The following CBLIF variants were observed in gnomAD, a reference collection of about 807,000 sequenced individuals.
CBLIF encodes cobalamin binding intrinsic factor.
CBLIF carries 24 observed loss-of-function variants against 44.9 expected under a neutral mutation model. The ratio of observed to expected loss-of-function variants is 0.53; its 90% CI spans 0.39 to 0.75. CBLIF has a LOEUF of 0.75. CBLIF is among the 30% of genes least tolerant of loss of function. The pLI is 0.00. For missense variants in CBLIF, 481 were observed against 513.0 expected (o/e 0.94, Z 0.60); for synonymous variants, 183 against 190.9 (o/e 0.96, Z 0.34).
chr11:59,837,358 A>C lies in CBLIF; in HGVS notation c.694-7T>G, dbSNP rs1286325930. ...CAGGTGTTACAGAGAGAGCCTGGGAAGGAAGACAGAAAGAGAGAGAAAGAG... is the reference window on the plus strand; with the variant it reads ...CAGGTGTTACAGAGAGAGCCTGGGACGGAAGACAGAAAGAGAGAGAAAGAG... On this transcript the variant is annotated splice_region_variant and splice_polypyrimidine_tract_variant and intron_variant, in intron 5 of 8. Coordinates refer to ENST00000257248, the MANE Select transcript of CBLIF (RefSeq NM_005142.3). 1 of 1,608,140 alleles carries C rather than the reference A, an allele frequency of 6.2e-7. No homozygotes were observed. Among genetic ancestry groups the C allele is most frequent in the Non-Finnish European group, 8.5e-7 (1 of 1,174,584 alleles).
Position 59,837,358 on chromosome 11 carries a change from A to G in CBLIF, c.694-7T>C, listed in dbSNP as rs1286325930. ...CAGGTGTTACAGAGAGAGCCTGGGAAGGAAGACAGAAAGAGAGAGAAAGAG... is the reference window on the plus strand; with the variant it reads ...CAGGTGTTACAGAGAGAGCCTGGGAGGGAAGACAGAAAGAGAGAGAAAGAG... On this transcript the variant is annotated splice_region_variant and splice_polypyrimidine_tract_variant and intron_variant, in intron 5 of 8. Coordinates refer to ENST00000257248, the MANE Select transcript of CBLIF (RefSeq NM_005142.3). The G allele has an allele frequency of 1.9e-6, 3 of 1,608,022 alleles. No homozygotes were observed. The Admixed American group carries it at 5.0e-5, about 27-fold the overall frequency.
chr11:59,840,969 A>T, intron 5 of CBLIF, 174 bp downstream of exon 5: 1 of 660,506 alleles, frequency 1.5e-6, no homozygotes, highest in Non-Finnish European at 2.8e-6. Flanking sequence ...GGAGGAATTA[A>T]CACTTACCTG....
At chr11:59,840,016 GT>G (rs1290031710) in intron 5 of CBLIF, among the ~76,000 whole-genome samples, 2 of 151,976 alleles carry the variant, frequency 1.3e-5, no homozygotes, top group African/African-American at 4.8e-5. Context: ...AAAAAACAGG[GT>G]TTTGTTCTAT....
At chr11:59,830,241 T>C (rs867651494) in intron 8 of CBLIF, among the ~76,000 whole-genome samples, 5 of 149,382 alleles carry the variant, frequency 3.3e-5, no homozygotes, top group African/African-American at 7.4e-5. Context: ...TTCTTTTTTT[T>C]TTTTTTTTTT....
At chr11:59,843,692 T>A (rs903782228) in intron 2 of CBLIF, among the ~76,000 whole-genome samples, 187 bp downstream of exon 2, 1 of 152,156 alleles carries the variant, frequency 6.6e-6, no homozygotes, top group African/African-American at 2.4e-5. Context: ...ACTGACCTCC[T>A]CCATGAATGC....
At chr11:59,831,625 G>T in intron 8 of CBLIF, 53 bp downstream of exon 8, 4 of 812,546 alleles carry the variant, frequency 4.9e-6, no homozygotes, top group African/African-American at 1.7e-5. Context: ...AATAATTAAA[G>T]AATGTAGCCT....
At chr11:59,840,903 C>A in intron 5 of CBLIF, 2 of 439,358 alleles carry the variant, frequency 4.6e-6, no homozygotes, top group Non-Finnish European at 8.2e-6. Context: ...TTTTTTTTCC[C>A]AAGAAAGAGA....
At chr11:59,833,731 C>A (rs1866404998) in intron 7 of CBLIF, among the ~76,000 whole-genome samples, 1 of 152,080 alleles carries the variant, frequency 6.6e-6, no homozygotes, top group Non-Finnish European at 1.5e-5. Context: ...GAATTTGGAT[C>A]ATCTTTTCTT....
chr11:59,835,978 G>T lies in CBLIF; in HGVS notation c.903C>A (p.Asn301Lys). ...ATGCAGAGGTGGGGCCAGGGCCAGGGTTGCTGGGTAGAGTTGGTTGTACCT... is the reference window on the plus strand; with the variant it reads ...ATGCAGAGGTGGGGCCAGGGCCAGGTTTGCTGGGTAGAGTTGGTTGTACCT... ...DHEVQPTLPS[N>K]PGPGPTSASN... The change falls in exon 7 of 9, where the codon AAC (asparagine) becomes AAA (lysine). Residue 301 changes from asparagine to lysine, a missense_variant. Physicochemically the swap from Asn to Lys is moderately conservative, Grantham distance 94. Coordinates refer to ENST00000257248, the MANE Select transcript of CBLIF (RefSeq NM_005142.3). 1 of 1,614,174 alleles carries T rather than the reference G, an allele frequency of 6.2e-7. No individual in the cohort carries two copies. The highest frequency in any genetic ancestry group is 8.5e-7 in the Non-Finnish European group (1 of 1,180,002).
intron 7 of CBLIF, among the ~76,000 whole-genome samples, chr11:59,834,244 C>CT (rs1388283782): frequency 7.6e-4 from 59 of 77,776 alleles, no homozygotes; most frequent in African/African-American, 2.9e-3. Flanking sequence ...CTTTCTTTTT[C>CT]TTTCTTTCTT....
intron 5 of CBLIF, among the ~76,000 whole-genome samples, chr11:59,839,174 G>A (rs994976825): frequency 7.2e-5 from 11 of 152,092 alleles, no homozygotes; most frequent in African/African-American, 2.7e-4. Context: ...CAAGATAAGC[G>A]CCTATCAGAG....
chr11:59,830,863 A>G (rs1866364077), intron 8 of CBLIF, among the ~76,000 whole-genome samples: 1 of 152,228 alleles, frequency 6.6e-6, no homozygotes, highest in Non-Finnish European at 1.5e-5. Flanking sequence ...TGTGATTCCA[A>G]GATCTTTATT....
At position 59,845,161 on chromosome 11, in the gene CBLIF, C is replaced by T. The variant is rs376753562; in HGVS notation, c.79+214G>A. 1.6e-4 allele frequency: 94 copies of T among 594,042 alleles called. No individual in the cohort carries two copies. The African/African-American group carries it at 1.7e-3, about 11-fold the overall frequency. 36.8% of individuals were successfully genotyped at this position (594,042 alleles called of 1,614,324 possible). A position where few individuals can be genotyped will look rare whatever the true frequency, so the allele number is the denominator to read the frequency against. ...TACAGGTGTGAGCCACTGCACCTGG[C>T]CCCATCTCTCTTAATAAAAAACATA... On this transcript the variant is annotated intron_variant, in intron 1 of 8. Coordinates refer to ENST00000257248, the MANE Select transcript of CBLIF (RefSeq NM_005142.3).
At chr11:59,829,599 C>T in intron 8 of CBLIF, 54 bp from the exon 9 acceptor site, 1 of 1,094,820 alleles carries the variant, frequency 9.1e-7, no homozygotes, top group South Asian at 1.2e-5. Flanking sequence ...TAACCACCTC[C>T]ATCCCCCAAG....
chr11:59,837,655 C>G (rs1473834161), intron 5 of CBLIF, among the ~76,000 whole-genome samples: 1 of 152,178 alleles, frequency 6.6e-6, no homozygotes, highest in Non-Finnish European at 1.5e-5. Context: ...GAGCTGGGCT[C>G]CAGAGGGAGC....
chr11:59,844,200 C>T (rs558967738), intron 1 of CBLIF, 145 bp from the exon 2 acceptor site: 21 of 701,148 alleles, frequency 3.0e-5, no homozygotes, highest in East Asian at 5.8e-5. Flanking sequence ...TGCAATGGCA[C>T]GATCTCGGCT....
At position 59,842,481 on chromosome 11, in the gene CBLIF, G is replaced by C. The variant is rs1338726524; in HGVS notation, c.473C>G (p.Ala158Gly). The C allele has an allele frequency of 6.2e-7, 1 of 1,613,844 alleles. No individual in the cohort carries two copies. The highest frequency in any genetic ancestry group is 1.1e-5 in the South Asian group (1 of 91,070). ...AGAGGAGTTGGCCAGCAGGGTCTTG[G>C]CAAAGCGGACGGCTATCGGCAAGGT... ...EATLPIAVRF[A>G]KTLLANSSPF... The change falls in exon 4 of 9, where the codon GCC (alanine) becomes GGC (glycine). Residue 158 changes from alanine (A) to glycine (G), a missense_variant. By Grantham distance (60) the Ala-to-Gly change is moderately conservative (BLOSUM62 0). Transcript: ENST00000257248.
chr11:59,830,543 T>C (rs765046171), intron 8 of CBLIF, among the ~76,000 whole-genome samples: 1 of 152,148 alleles, frequency 6.6e-6, no homozygotes, highest in Non-Finnish European at 1.5e-5. Context: ...GTTTAAAAAA[T>C]TTTTAATTTT....
Position 59,845,331 on chromosome 11 carries a change from G to A in CBLIF, c.79+44C>T. The A allele has an allele frequency of 2.5e-6, 4 of 1,608,164 alleles. No individual in the cohort carries two copies. In the South Asian group the frequency reaches 4.4e-5, roughly 18 times the overall value. ...GTCAGAGGTCACAGCCCCTTCCCCA[G>A]GGCAACTGCTTCCCTGACCTCCTTG... On this transcript the variant is annotated intron_variant, in intron 1 of 8. Coordinates refer to ENST00000257248, the MANE Select transcript of CBLIF (RefSeq NM_005142.3).
Sources: allele counts gnomAD v4.1 joint callset (sites outside exome capture counted in the v4.1 genomes callset), GRCh38; gene constraint gnomAD v4.1.1; transcripts MANE v1.5; gene names NCBI Gene and HGNC (gene_info 2026-07-23, HGNC 2026-07-21).